The following SLC39A11 variants were observed in gnomAD, a reference collection of about 807,000 sequenced individuals.
The protein encoded by SLC39A11 is zinc transporter ZIP11.
Under a neutral mutation model 36.1 loss-of-function variants are expected in SLC39A11, and 33 were observed. The ratio of observed to expected loss-of-function variants is 0.91; its 90% confidence interval spans 0.69 to 1.22. The LOEUF (loss-of-function observed/expected upper bound fraction) is 1.22, where lower values mean the gene tolerates loss of function less well. SLC39A11 is among the 50% of genes most tolerant of loss of function. The pLI is 0.00. For missense variants in SLC39A11, 432 were observed against 430.3 expected (o/e 1.00, Z -0.03); for synonymous variants, 166 against 170.3 (o/e 0.97, Z 0.20).
intron 7 of SLC39A11, among the ~76,000 whole-genome samples, chr17:72,707,776 G>A (rs769218959): frequency 2.6e-5 from 4 of 152,160 alleles, no homozygotes; most frequent in Non-Finnish European, 2.9e-5. Flanking sequence ...CAAAGCGTAC[G>A]GCATGGAATA....
At chr17:72,968,266 C>G (rs1398817701) in intron 4 of SLC39A11, among the ~76,000 whole-genome samples, 1 of 152,192 alleles carries the variant, frequency 6.6e-6, no homozygotes, top group Non-Finnish European at 1.5e-5. Context: ...CTATGGAGAG[C>G]CTGAGACTCA....
chr17:72,996,044 G>A (rs2089485973), intron 4 of SLC39A11, among the ~76,000 whole-genome samples: 1 of 152,018 alleles, frequency 6.6e-6, no homozygotes, highest in Admixed American at 6.6e-5. Flanking sequence ...AGTAGCTGGA[G>A]TCTAGTCCAG....
In SLC39A11 at chr17:72,943,198, C is replaced by T. The variant is rs555888423; in HGVS notation, c.430+4554G>A. On this transcript the variant is annotated intron_variant, in intron 5 of 9. Transcript: ENST00000255559. Reference sequence around the variant, plus strand: ...AGGACAAGCCCTGGGGTTGCTGATCCGGGGTTGGGCACTTGAGAAGCTTGA... The same window carrying T: ...AGGACAAGCCCTGGGGTTGCTGATCTGGGGTTGGGCACTTGAGAAGCTTGA... Among the ~76,000 whole-genome samples, 14 of 152,224 alleles carry T rather than the reference C, an allele frequency of 9.2e-5. No homozygotes were observed. In the South Asian group the frequency reaches 2.3e-3, roughly 25 times the overall value.
chr17:72,906,433 C>G (rs2082660422), intron 5 of SLC39A11, among the ~76,000 whole-genome samples: 1 of 152,234 alleles, frequency 6.6e-6, no homozygotes, highest in South Asian at 2.1e-4. Flanking sequence ...TACCCAAAAC[C>G]AGAACGGGGC....
chr17:72,870,997 T>C (rs553095452), intron 5 of SLC39A11, among the ~76,000 whole-genome samples: 6 of 152,258 alleles, frequency 3.9e-5, no homozygotes, highest in Non-Finnish European at 7.4e-5. Context: ...GAGTCTTTTG[T>C]TATTCATAAC....
At chr17:72,891,723 C>G (rs1261404228) in intron 5 of SLC39A11, among the ~76,000 whole-genome samples, 1 of 151,850 alleles carries the variant, frequency 6.6e-6, no homozygotes, top group African/African-American at 2.4e-5. Context: ...TTAACACACA[C>G]AGATACATAC....
chr17:72,931,325 G>A (rs2084381972), intron 5 of SLC39A11, among the ~76,000 whole-genome samples: 1 of 152,184 alleles, frequency 6.6e-6, no homozygotes, highest in South Asian at 2.1e-4. Flanking sequence ...GAGAGGAAAA[G>A]GTTACCATGG....
chr17:73,018,418 G>A (rs1257160026), intron 4 of SLC39A11, among the ~76,000 whole-genome samples: 1 of 152,066 alleles, frequency 6.6e-6, no homozygotes, highest in African/African-American at 2.4e-5. Context: ...CGTGATGGCA[G>A]GCTCCTGTAA....
At chr17:72,873,459 A>G (rs1231118231) in intron 5 of SLC39A11, among the ~76,000 whole-genome samples, 1 of 41,414 alleles carries the variant, frequency 2.4e-5, no homozygotes. Context: ...CATCCTTCCA[A>G]CTTGGCTGGC....
intron 6 of SLC39A11, among the ~76,000 whole-genome samples, chr17:72,794,590 T>C (rs997467876): frequency 3.3e-5 from 5 of 151,972 alleles, no homozygotes; most frequent in Non-Finnish European, 7.4e-5. Flanking sequence ...TTCTCTACAC[T>C]CAAACTGTCC....
At position 72,720,604 on chromosome 17, in the gene SLC39A11, C is replaced by T. The variant is rs1489767352; in HGVS notation, c.671+16046G>A. ...AGCTGTAGGATGTGTCATGGGTGTG[C>T]CAGGAAGCAAGAGCAGTAGCTTCAC... On this transcript the variant is annotated intron_variant, in intron 7 of 9. Transcript: ENST00000255559. 2.0e-5 allele frequency among the ~76,000 whole-genome samples: 3 copies of T among 152,196 alleles called. No individual in the cohort carries two copies. The East Asian group carries it at 5.8e-4, about 29-fold the overall frequency.
At chr17:72,886,215 G>A (rs1264172071) in intron 5 of SLC39A11, among the ~76,000 whole-genome samples, 2 of 152,074 alleles carry the variant, frequency 1.3e-5, no homozygotes, top group African/African-American at 4.8e-5. Context: ...AGGCTCCCCT[G>A]GGCAATCTCA....
chr17:72,774,121 T>C (rs776360634), intron 6 of SLC39A11, among the ~76,000 whole-genome samples: 31 of 152,204 alleles, frequency 2.0e-4, no homozygotes, highest in African/African-American at 6.8e-4. Context: ...TCCAGATAAG[T>C]AGCTGTGCTT....
intron 7 of SLC39A11, among the ~76,000 whole-genome samples, chr17:72,662,125 T>G (rs1264831798): frequency 6.6e-6 from 1 of 152,066 alleles, no homozygotes; most frequent in Non-Finnish European, 1.5e-5. Flanking sequence ...CATCTTAAAC[T>G]GGGCGCAGTG....
chr17:72,652,665 A>G (rs79676440), intron 7 of SLC39A11, among the ~76,000 whole-genome samples: 1,648 of 152,302 alleles, frequency 0.011, 39 homozygotes, highest in African/African-American at 0.038. Context: ...TTTCTACCCT[A>G]AAGCCAAAAC....
chr17:72,926,605 C>A (rs1316166846), intron 5 of SLC39A11, among the ~76,000 whole-genome samples: 2 of 151,944 alleles, frequency 1.3e-5, no homozygotes, highest in Admixed American at 6.6e-5. Context: ...GATTATAAAC[C>A]AGCCCTGAGA....
chr17:72,667,291 G>C lies in SLC39A11; in HGVS notation c.672-18023C>G, dbSNP rs573898329. On this transcript the variant is annotated intron_variant, in intron 7 of 9. Transcript: ENST00000255559. Reference sequence around the variant, plus strand: ...GGACACTCTATGAGGTGAGACTCCTGCTGTTACCCTGAAGCCTAACCATAT... The same window carrying C: ...GGACACTCTATGAGGTGAGACTCCTCCTGTTACCCTGAAGCCTAACCATAT... 5.3e-5 allele frequency among the ~76,000 whole-genome samples: 8 copies of C among 152,304 alleles called. No individual in the cohort carries two copies. The South Asian group carries it at 1.7e-3, about 32-fold the overall frequency.
At chr17:72,880,675 T>G (rs1427088167) in intron 5 of SLC39A11, among the ~76,000 whole-genome samples, 1 of 151,564 alleles carries the variant, frequency 6.6e-6, no homozygotes, top group African/African-American at 2.4e-5. Context: ...CAAGTTCAGA[T>G]ACATGGCTTT....
At chr17:72,714,782 G>A (rs765398505) in intron 7 of SLC39A11, among the ~76,000 whole-genome samples, 9 of 152,216 alleles carry the variant, frequency 5.9e-5, no homozygotes, top group Non-Finnish European at 1.2e-4. Context: ...GACATGGTCT[G>A]CAGCTGTTCA....
Sources: gnomAD v4.1 joint callset for allele counts (sites outside exome capture counted in the v4.1 genomes callset) on GRCh38, gnomAD v4.1.1 for gene constraint, MANE v1.5 for transcripts, NCBI Gene and HGNC (gene_info 2026-07-23, HGNC 2026-07-21) for gene names.